Variants in RGS14 observed in about 807,000 individuals in gnomAD.
The protein encoded by RGS14 is regulator of G-protein signaling 14.
A neutral mutation model predicts 63.8 loss-of-function variants in RGS14; 33 were observed. That is an observed-to-expected ratio of 0.52 (90% CI 0.39 to 0.69). RGS14 has a LOEUF of 0.69. Among genes scored for constraint, RGS14 ranks in the 30% least tolerant of loss-of-function variants. The pLI is 0.00. For synonymous variants in RGS14, 296 were observed against 320.9 expected (o/e 0.92, Z 0.83); for missense variants, 739 against 742.9 (o/e 0.99, Z 0.06).
intron 3 of RGS14, 51 bp downstream of exon 3, chr5:177,366,406 G>A (rs984501588): frequency 1.8e-5 from 26 of 1,463,178 alleles, no homozygotes; most frequent in Admixed American, 1.4e-4. Flanking sequence ...AGGGCAGGGC[G>A]TGGATGGAGC....
intron 9 of RGS14, among the ~76,000 whole-genome samples, chr5:177,369,478 G>T (rs563874941): frequency 6.6e-6 from 1 of 152,152 alleles, no homozygotes; most frequent in African/African-American, 2.4e-5. Context: ...CCAGGTGTGT[G>T]GGGGAGAGGA....
intron 3 of RGS14, 22 bp from the exon 4 acceptor site, chr5:177,366,686 C>T: frequency 6.2e-7 from 1 of 1,610,718 alleles, no homozygotes; most frequent in African/African-American, 1.3e-5. Context: ...CTCTGCCTGC[C>T]TCCCCCTCCT....
At chr5:177,362,251 C>T (rs958708335) in intron 1 of RGS14, among the ~76,000 whole-genome samples, 10 of 152,356 alleles carry the variant, frequency 6.6e-5, no homozygotes, top group Non-Finnish European at 1.3e-4. Flanking sequence ...TCCAGCTATG[C>T]TATCAACAAC....
Position 177,366,238 on chromosome 5 carries a change from C to A in RGS14, c.129C>A (p.Ile43=), listed in dbSNP as rs1326698120. 1 of 1,593,440 alleles carries A rather than the reference C, an allele frequency of 6.3e-7. No homozygotes were observed. The highest frequency in any genetic ancestry group is 8.5e-7 in the Non-Finnish European group (1 of 1,171,122). The change falls in exon 3 of 15, where the codon ATC becomes ATA. Residue 43 remains isoleucine (I), a synonymous_variant. Coordinates refer to ENST00000408923, the MANE Select transcript of RGS14 (RefSeq NM_006480.5). ...QGEGRGSSLS[I]HSLPSGPSSP... is the part of the protein sequence containing the mutation. ...AGGGCCGCGGCAGCTCTCTCAGCATCCACAGCCTCCCCAGTGGTCCCAGCA... is the reference window on the plus strand; with the variant it reads ...AGGGCCGCGGCAGCTCTCTCAGCATACACAGCCTCCCCAGTGGTCCCAGCA...
chr5:177,368,721 A>C lies in RGS14; in HGVS notation c.854A>C (p.His285Pro). Residue 285 changes from histidine (H) to proline (P), a missense_variant, in exon 9 of 15, where the codon CAC becomes CCC. Transcript: ENST00000408923. ...LAFVSSKSES[H>P]RKSLGSTEGE... ...CCCACTCCTGCCATGAATCAGAGCC[A>C]CCGGAAGAGCCTTGGGAGCACGGAG... is the stretch of plus-strand genomic sequence containing the variant. The C allele has an allele frequency of 2.5e-6, 4 of 1,614,022 alleles. No homozygotes were observed. The highest frequency in any genetic ancestry group is 2.5e-6 in the Non-Finnish European group (3 of 1,179,944).
At chr5:177,366,841 G>T (rs1340530159) in intron 4 of RGS14, 41 bp downstream of exon 4, 1 of 1,613,874 alleles carries the variant, frequency 6.2e-7, no homozygotes, top group East Asian at 2.2e-5. Context: ...TGGGGAGAGG[G>T]GAACTGGGCC....
chr5:177,360,545 T>G (rs1581613670), intron 1 of RGS14, among the ~76,000 whole-genome samples: 3 of 110,908 alleles, frequency 2.7e-5, no homozygotes, highest in African/African-American at 1.1e-4. Flanking sequence ...GCAGTCTGGG[T>G]GAAAGAGCAA....
chr5:177,365,560 T>C (rs1041319703), intron 1 of RGS14, among the ~76,000 whole-genome samples: 1 of 152,150 alleles, frequency 6.6e-6, no homozygotes, highest in Non-Finnish European at 1.5e-5. Flanking sequence ...AGCAAATGGT[T>C]TGCCTCCATT....
intron 6 of RGS14, 61 bp from the exon 7 acceptor site, chr5:177,367,653 C>CCCACGG: frequency 6.3e-7 from 1 of 1,589,534 alleles, no homozygotes; most frequent in East Asian, 2.3e-5. Flanking sequence ...CGAGTCTGTG[C>CCCACGG]CCACGGTCTG....
At position 177,367,041 on chromosome 5, in the gene RGS14, G is replaced by A. The variant is rs775207129; in HGVS notation, c.483+7G>A. ...TCGGGCACAGCAGCTTCAGGTGGGC[G>A]ATCCTGGGGGGATTGGCCTTGAAAG... On this transcript the variant is annotated splice_region_variant and intron_variant, in intron 5 of 14. Transcript: ENST00000408923. The A allele has an allele frequency of 6.9e-6, 11 of 1,599,936 alleles. No individual in the cohort carries two copies. Among genetic ancestry groups the A allele is most frequent in the South Asian group, 3.4e-5 (3 of 89,470 alleles).
At chr5:177,369,482 G>C (rs920749652) in intron 9 of RGS14, among the ~76,000 whole-genome samples, 1 of 152,192 alleles carries the variant, frequency 6.6e-6, no homozygotes, top group Non-Finnish European at 1.5e-5. Context: ...GTGTGTGGGG[G>C]AGAGGAACCT....
Position 177,367,534 on chromosome 5 carries a change from G to C in RGS14, c.604G>C (p.Gly202Arg). The C allele has an allele frequency of 1.2e-6, 2 of 1,611,248 alleles. No homozygotes were observed. Among genetic ancestry groups the C allele is most frequent in the Non-Finnish European group, 1.7e-6 (2 of 1,178,836 alleles). ...PLREPGSSRL[G>R]SPDATRKKPK... ...GCGGGAACCTGGCTCCTCGCGCCTC[G>C]GCAGCCCTGACGCCACGAGGAAGGT... Residue 202 changes from glycine (G) to arginine (R), a missense_variant, in exon 6 of 15, where the codon GGC (glycine) becomes CGC (arginine). Coordinates refer to ENST00000408923, the MANE Select transcript of RGS14 (RefSeq NM_006480.5).
In RGS14 at chr5:177,370,979, A is replaced by T; in HGVS notation, c.1202A>T (p.Gln401Leu). The T allele has an allele frequency of 6.2e-7, 1 of 1,606,726 alleles. No individual in the cohort carries two copies. Among genetic ancestry groups the T allele is most frequent in the South Asian group, 1.1e-5 (1 of 90,982 alleles). ...KPTKRLQEAL[Q>L]PILEKHGLSP... The stretch of plus-strand genomic sequence containing the variant: ...ACCAAGCGGCTGCAGGAGGCGCTGC[A>T]GCCCATTCTGGAGAAGCACGGCTTG... The change falls in exon 11 of 15, where the codon CAG becomes CTG. Residue 401 changes from glutamine to leucine, a missense_variant. Physicochemically the swap from Gln to Leu is moderately radical, Grantham distance 113. Coordinates refer to ENST00000408923, the MANE Select transcript of RGS14 (RefSeq NM_006480.5).
intron 5 of RGS14, 156 bp downstream of exon 5, chr5:177,367,190 G>A (rs12654812): frequency 0.35 from 398,716 of 1,149,826 alleles, 71,030 homozygotes; most frequent in South Asian, 0.43. Context: ...GAGCTCAGAG[G>A]GCGGTATCAG....
chr5:177,366,876 T>A lies in RGS14; in HGVS notation c.340-15T>A. On this transcript the variant is annotated splice_polypyrimidine_tract_variant and intron_variant, in intron 4 of 14. Coordinates refer to ENST00000408923, the MANE Select transcript of RGS14 (RefSeq NM_006480.5). Reference sequence around the variant, plus strand: ...CACGCTCCCTGACCAACTCCTCCTGTCCCTCCTCCTTCAGCTAGCTCAGGA... The same window carrying A: ...CACGCTCCCTGACCAACTCCTCCTGACCCTCCTCCTTCAGCTAGCTCAGGA... 1 of 1,613,460 alleles carries A rather than the reference T, an allele frequency of 6.2e-7. No individual in the cohort carries two copies. The highest frequency in any genetic ancestry group is 8.5e-7 in the Non-Finnish European group (1 of 1,179,570).
rs1229106873 is a variant in RGS14 at position 177,371,984 on chromosome 5, G to A, written c.1610G>A (p.Gly537Glu). 6.2e-6 allele frequency: 10 copies of A among 1,614,136 alleles called. No homozygotes were observed. The highest frequency in any genetic ancestry group is 6.8e-6 in the Non-Finnish European group (8 of 1,180,006). The change falls in exon 15 of 15, where the codon GGG becomes GAG. Residue 537 changes from glycine to glutamate, a missense_variant. Physicochemically the swap from Gly to Glu is moderately conservative, Grantham distance 98. Transcript: ENST00000408923. This position sits in a 1 kb window ranked among gnomAD's most constrained non-coding sequence, Gnocchi z 6.1. ...GAATTTCTGCAGCTGCCCGCCCAAG[G>A]GCCCAGCTCCGAGGAGACCCCACCA... ...LPEFLQLPAQ[G>E]PSSEETPPQT... is the part of the protein sequence containing the mutation.
Position 177,370,894 on chromosome 5 carries a change from G to A in RGS14, c.1128-11G>A, listed in dbSNP as rs1328115369. Reference sequence around the variant, plus strand: ...CCCTCCGGCCCTCTGCTGCCCGAGGGTTCCTCGCAGGCTGGAGCTGACGGC... The same window carrying A: ...CCCTCCGGCCCTCTGCTGCCCGAGGATTCCTCGCAGGCTGGAGCTGACGGC... On this transcript the variant is annotated splice_polypyrimidine_tract_variant and intron_variant, in intron 10 of 14. Transcript: ENST00000408923. The A allele has an allele frequency of 1.9e-6, 3 of 1,600,712 alleles. No individual in the cohort carries two copies. Among genetic ancestry groups the A allele is most frequent in the East Asian group, 2.2e-5 (1 of 44,826 alleles).
Position 177,372,301 on chromosome 5 carries a change from C to G in RGS14, c.*226C>G, listed in dbSNP as rs1321892098. On this transcript the variant is annotated 3_prime_UTR_variant, in exon 15 of 15. Coordinates refer to ENST00000408923, the MANE Select transcript of RGS14 (RefSeq NM_006480.5). ...AAGCTCACCCCCAATCCCTTGCAGC[C>G]AGGCCACAATGGGGGAGGTGAGTCC... 1 of 548,352 alleles carries G rather than the reference C, an allele frequency of 1.8e-6. No homozygotes were observed. The highest frequency in any genetic ancestry group is 3.0e-5 in the East Asian group (1 of 32,840). 34.0% of individuals were successfully genotyped at this position (548,352 alleles called of 1,614,324 possible). A position where few individuals can be genotyped will look rare whatever the true frequency, so the allele number is the denominator to read the frequency against.
rs1207772340 is a variant in RGS14, at chr5:177,371,108, GC to G, written c.1255-55del. 4.3e-6 allele frequency: 5 copies of G among 1,155,502 alleles called. No homozygotes were observed. The African/African-American group carries it at 7.8e-5, about 18-fold the overall frequency. The allele number at this position is 1,155,502 out of a possible 1,614,324, so 71.6% of individuals were successfully genotyped here. On this transcript the variant is annotated intron_variant, in intron 11 of 14. Transcript: ENST00000408923. The surrounding 1 kb of genome is among the most constrained non-coding windows in gnomAD (Gnocchi z 6.1). ...GGCCGGGGCCGGGGCCGGGGCCGGGGCCGGGGCCGGGGCCGGGCGGAGGCCT... is the reference window on the plus strand; with the variant it reads ...GGCCGGGGCCGGGGCCGGGGCCGGGGCGGGGCCGGGGCCGGGCGGAGGCCT...
Sources: gnomAD v4.1 joint callset for allele counts (sites outside exome capture counted in the v4.1 genomes callset) on GRCh38, gnomAD v4.1.1 for gene constraint, Gnocchi (gnomAD v3.1) non-coding constraint, MANE v1.5 for transcripts, NCBI Gene and HGNC (gene_info 2026-07-23, HGNC 2026-07-21) for gene names.